Variants in ZRANB1 observed in about 807,000 individuals in gnomAD.
ZRANB1 encodes ubiquitin thioesterase ZRANB1.
A neutral mutation model predicts 80.5 loss-of-function variants in ZRANB1; 16 were observed. The observed-to-expected ratio is 0.20, with a 90% CI of 0.13 to 0.30. The LOEUF is 0.30. Among genes scored for constraint, ZRANB1 ranks in the 10% least tolerant of loss-of-function variants. The pLI is 1.00. For synonymous variants in ZRANB1, 291 were observed against 293.1 expected (o/e 0.99, Z 0.07); for missense variants, 576 against 862.6 (o/e 0.67, Z 4.16).
At chr10:124,926,547 C>A in the ZRANB1 span, among the ~76,000 whole-genome samples, 1 of 152,104 alleles carries the variant, frequency 6.6e-6, no homozygotes, top group African/African-American at 2.4e-5. Flanking sequence ...CAATAACATG[C>A]GTAGAGCTAT....
Position 124,951,124 on chromosome 10 carries a change from G to A in ZRANB1, c.814+7817G>A, listed in dbSNP as rs544615247. ...TTTTGGTATTGATATTAAGAATTAC[G>A]TATATAGATGGACATTTACAATTTG... On this transcript the variant is annotated intron_variant, in intron 1 of 8. Transcript: ENST00000359653. Among the ~76,000 whole-genome samples, 127 of 151,884 alleles carry A rather than the reference G, an allele frequency of 8.4e-4. No homozygotes were observed. The Middle Eastern group carries it at 0.014, about 16-fold the overall frequency.
chr10:124,921,668 C>T, the ZRANB1 span, among the ~76,000 whole-genome samples: 1 of 151,656 alleles, frequency 6.6e-6, no homozygotes, highest in African/African-American at 2.4e-5. Context: ...TATTTTTTTT[C>T]AAGTGTCAGA....
intron 4 of ZRANB1, 84 bp from the exon 5 acceptor site, chr10:124,974,116 G>T (rs2133986957): frequency 7.2e-7 from 1 of 1,381,072 alleles, no homozygotes; most frequent in South Asian, 1.2e-5. Context: ...CCATTTTATA[G>T]CTAGAAAATA....
chr10:124,930,019 C>CTTTA, the ZRANB1 span, among the ~76,000 whole-genome samples: 4 of 150,224 alleles, frequency 2.7e-5, no homozygotes, highest in Non-Finnish European at 3.0e-5. Flanking sequence ...AGTTACTGTT[C>CTTTA]TTTACCTAAA....
chr10:124,983,421 T>G lies in ZRANB1; in HGVS notation c.1679-38T>G. On this transcript the variant is annotated intron_variant, in intron 7 of 8. Transcript: ENST00000359653. This position sits in a 1 kb window ranked among gnomAD's most constrained non-coding sequence, Gnocchi z 6.2. ...GGGCAGTGAGGGAGTGGCTCTTTCTTCCTGTGACTGTTGGGATTTTCTTCC... is the reference window on the plus strand; with the variant it reads ...GGGCAGTGAGGGAGTGGCTCTTTCTGCCTGTGACTGTTGGGATTTTCTTCC... The G allele has an allele frequency of 6.3e-7, 1 of 1,596,134 alleles. No individual in the cohort carries two copies. Among genetic ancestry groups the G allele is most frequent in the Non-Finnish European group, 8.6e-7 (1 of 1,168,276 alleles).
chr10:124,984,886 C>T lies in ZRANB1; in HGVS notation c.2021C>T (p.Pro674Leu), dbSNP rs1310678488. Residue 674 changes from proline (P) to leucine (L), a missense_variant, in exon 9 of 9, where the codon CCC becomes CTC. By Grantham distance (98) the Pro-to-Leu change is moderately conservative. Around this residue, in one of 3 missense-constraint regions of ZRANB1, gnomAD observed 152 missense variants for 221.9 expected, o/e 0.69. Transcript: ENST00000359653. ...AAGAGTTCTCGGCGGCGAAATCACC[C>T]CCTGGTCACTCAGATGGTAGAAAAA... ...MQKSSRRRNH[P>L]LVTQMVEKWL... The T allele has an allele frequency of 5.0e-6, 8 of 1,613,970 alleles. No individual in the cohort carries two copies. The highest frequency in any genetic ancestry group is 6.8e-6 in the Non-Finnish European group (8 of 1,180,008).
chr10:124,916,922 C>T, the ZRANB1 span, among the ~76,000 whole-genome samples: 1 of 152,036 alleles, frequency 6.6e-6, no homozygotes, highest in African/African-American at 2.4e-5. Flanking sequence ...CGGCCGCCGC[C>T]ATTAGGGTCC....
At chr10:124,923,795 C>T in the ZRANB1 span, among the ~76,000 whole-genome samples, 1 of 151,722 alleles carries the variant, frequency 6.6e-6, no homozygotes, top group Non-Finnish European at 1.5e-5. Context: ...TCAAGAACAG[C>T]ATAGGGGAAA....
intron 5 of ZRANB1, among the ~76,000 whole-genome samples, chr10:124,978,431 T>C (rs1232366038): frequency 1.3e-5 from 2 of 152,210 alleles, no homozygotes; most frequent in Non-Finnish European, 2.9e-5. Flanking sequence ...ACCCGTCACT[T>C]CAAGATAGGC....
chr10:124,920,463 T>C, the ZRANB1 span, among the ~76,000 whole-genome samples: 1 of 152,324 alleles, frequency 6.6e-6, no homozygotes, highest in East Asian at 1.9e-4. Context: ...TCAAGCTTCT[T>C]GGTGTGGTGT....
intron 1 of ZRANB1, among the ~76,000 whole-genome samples, chr10:124,955,797 A>C (rs1951683925): frequency 6.6e-6 from 1 of 152,186 alleles, no homozygotes; most frequent in Admixed American, 6.5e-5. Flanking sequence ...CCAGCAACAT[A>C]AAATATTCTC....
the ZRANB1 span, among the ~76,000 whole-genome samples, chr10:124,926,097 A>G: frequency 6.6e-6 from 1 of 152,232 alleles, no homozygotes; most frequent in Non-Finnish European, 1.5e-5. Flanking sequence ...GGTGTAAAAG[A>G]TAAAAAATGG....
intron 1 of ZRANB1, among the ~76,000 whole-genome samples, chr10:124,950,615 G>A (rs557575677): frequency 4.6e-5 from 7 of 152,200 alleles, no homozygotes; most frequent in South Asian, 4.1e-4. Context: ...TCCGTATAAC[G>A]TGTCATATGG....
chr10:124,960,713 A>G (rs1332079442), intron 1 of ZRANB1, among the ~76,000 whole-genome samples: 1 of 151,794 alleles, frequency 6.6e-6, no homozygotes, highest in Non-Finnish European at 1.5e-5. Context: ...GAACCACTGC[A>G]CCCAGCCTCC....
At chr10:124,981,935 A>G (rs2133997216) in intron 6 of ZRANB1, 106 bp downstream of exon 6, 1 of 1,405,138 alleles carries the variant, frequency 7.1e-7, no homozygotes, top group East Asian at 2.3e-5. Flanking sequence ...CAAAGAAAAG[A>G]ATGCTTGACG....
At chr10:124,947,963 A>G (rs1186474362) in intron 1 of ZRANB1, among the ~76,000 whole-genome samples, 1 of 152,190 alleles carries the variant, frequency 6.6e-6, no homozygotes, top group African/African-American at 2.4e-5. Flanking sequence ...GAGTCCCTCA[A>G]AAACTCTACA....
chr10:124,924,636 T>TGC, the ZRANB1 span, among the ~76,000 whole-genome samples: 2,007 of 152,326 alleles, frequency 0.013, 49 homozygotes, highest in African/African-American at 0.046. Flanking sequence ...TTGTGGCATG[T>TGC]GTCAGTACTT....
intron 1 of ZRANB1, among the ~76,000 whole-genome samples, chr10:124,949,566 T>C (rs1214110202): frequency 6.8e-6 from 1 of 147,398 alleles, no homozygotes; most frequent in African/African-American, 2.5e-5. Flanking sequence ...CTGTTGCCCA[T>C]GCTGGAGTGC....
chr10:124,970,118 A>C (rs919039346), intron 2 of ZRANB1, among the ~76,000 whole-genome samples: 1 of 152,180 alleles, frequency 6.6e-6, no homozygotes, highest in African/African-American at 2.4e-5. Context: ...TATTCTGAAA[A>C]TATTTAATAT....
Sources: allele counts gnomAD v4.1 joint callset (sites outside exome capture counted in the v4.1 genomes callset), GRCh38; gene constraint gnomAD v4.1.1; regional missense constraint gnomAD v4.1.1; non-coding constraint Gnocchi (gnomAD v3.1); transcripts MANE v1.5; gene names NCBI Gene and HGNC (gene_info 2026-07-23, HGNC 2026-07-21).